Variants in CNTN3 observed in about 807,000 individuals in gnomAD.
CNTN3 encodes contactin 3, also known as contactin-3.
In CNTN3, 60 loss-of-function variants were observed where a neutral mutation model predicts 119.1. That is an observed-to-expected ratio of 0.50 (90% CI 0.41 to 0.62). The LOEUF (loss-of-function observed/expected upper bound fraction) is 0.62. Ranked by LOEUF, CNTN3 falls within the 20% of genes least tolerant of loss-of-function variation. CNTN3 has a pLI of 0.00. For synonymous variants in CNTN3, 450 were observed against 438.7 expected, an observed-to-expected ratio of 1.03 and a Z score of -0.32; for missense variants, 1,101 against 1,242.4, an observed-to-expected ratio of 0.89 and a Z score of 1.71.
rs564046039 is a variant in CNTN3 at position 74,606,926 on chromosome 3, A to G, written c.-81+7465T>C. On this transcript the variant is annotated intron_variant, in intron 1 of 22. Transcript: ENST00000263665. ...CAACAGCGCAATACATTACTACTAA[A>G]TAGAAACATGTATATCTCCATATTA... Among the ~76,000 whole-genome samples the G allele has an allele frequency of 3.7e-4, 57 of 152,308 alleles. No homozygotes were observed. In the Middle Eastern group the frequency reaches 0.01, roughly 27 times the overall value.
chr3:74,442,756 C>G (rs925402838), intron 4 of CNTN3, among the ~76,000 whole-genome samples: 10 of 152,184 alleles, frequency 6.6e-5, no homozygotes, highest in Non-Finnish European at 1.5e-4. Flanking sequence ...GTGCTAAGTA[C>G]TTCTTTAAGT....
At chr3:74,271,896 G>A (rs1427782976) in intron 20 of CNTN3, among the ~76,000 whole-genome samples, 2 of 152,166 alleles carry the variant, frequency 1.3e-5, no homozygotes, top group African/African-American at 4.8e-5. Flanking sequence ...TTGACACAAT[G>A]TTTTAAAACA....
At position 74,301,417 on chromosome 3, in the gene CNTN3, T is replaced by A; in HGVS notation, c.2076A>T (p.Lys692Asn). The A allele has an allele frequency of 1.2e-6, 2 of 1,614,082 alleles. No individual in the cohort carries two copies. Among genetic ancestry groups the A allele is most frequent in the African/African-American group, 2.7e-5 (2 of 75,052 alleles). Residue 692 changes from lysine (K) to asparagine (N), a missense_variant, in exon 16 of 23, where the codon AAA becomes AAT. Physicochemically the swap from Lys to Asn is moderately conservative, Grantham distance 94 (BLOSUM62 0). Coordinates refer to ENST00000263665, the MANE Select transcript of CNTN3 (RefSeq NM_020872.3). ...GGGEPSLPSE[K>N]VRTEEAVPEV... ...ACTAACCTGCCTCTTCAGTTCTTAC[T>A]TTTTCTGAGGGTAAACTTGGTTCTC...
In CNTN3 at chr3:74,295,379, G is replaced by C. The variant is rs528229984; in HGVS notation, c.2402-143C>G. On this transcript the variant is annotated intron_variant, in intron 18 of 22. Coordinates refer to ENST00000263665, the MANE Select transcript of CNTN3 (RefSeq NM_020872.3). ...TCTGGCACCATATGTTGAAAATAGA[G>C]ACACTGGTCCATTTCCGTTTCTTAG... The C allele has an allele frequency of 2.1e-4, 110 of 534,664 alleles. No individual in the cohort carries two copies. The East Asian group carries it at 3.3e-3, about 16-fold the overall frequency. 33.1% of individuals were successfully genotyped at this position (534,664 alleles called of 1,614,324 possible). A position where few individuals can be genotyped will look rare whatever the true frequency, so the allele number is the denominator to read the frequency against.
chr3:74,508,343 C>G (rs539944373), intron 2 of CNTN3, among the ~76,000 whole-genome samples: 3 of 152,086 alleles, frequency 2.0e-5, no homozygotes, highest in Non-Finnish European at 4.4e-5. Context: ...GGCCTCTTCT[C>G]TTTATAAATT....
chr3:74,551,097 C>T (rs1703983490), intron 1 of CNTN3, among the ~76,000 whole-genome samples: 1 of 152,148 alleles, frequency 6.6e-6, no homozygotes. Context: ...TTCATCCTGA[C>T]AGAAATTGAT....
chr3:74,500,617 G>T (rs553471376), intron 2 of CNTN3, among the ~76,000 whole-genome samples: 3 of 150,748 alleles, frequency 2.0e-5, no homozygotes, highest in East Asian at 3.9e-4. Flanking sequence ...AAGAGACAAA[G>T]AATCCGTGAA....
rs1702351697 is a variant in CNTN3 at position 74,297,003 on chromosome 3, T to A, written c.2401+954A>T. ...ATGAGACAAAATGTAGATGTCTCAA[T>A]ATCTGAGACAGGTATAAAAGAAAGG... On this transcript the variant is annotated intron_variant, in intron 18 of 22. Coordinates refer to ENST00000263665, the MANE Select transcript of CNTN3 (RefSeq NM_020872.3). Among the ~76,000 whole-genome samples the A allele has an allele frequency of 2.6e-5, 4 of 152,046 alleles. No homozygotes were observed. In the South Asian group the frequency reaches 8.3e-4, roughly 31 times the overall value.
chr3:74,476,505 C>T (rs1179043988), intron 4 of CNTN3, among the ~76,000 whole-genome samples: 1 of 152,108 alleles, frequency 6.6e-6, no homozygotes, highest in East Asian at 1.9e-4. Context: ...AGAAACTCTG[C>T]TAAAGATCAA....
At chr3:74,511,927 T>G (rs1286768588) in intron 2 of CNTN3, among the ~76,000 whole-genome samples, 1 of 152,096 alleles carries the variant, frequency 6.6e-6, no homozygotes, top group Non-Finnish European at 1.5e-5. Context: ...TCATGTCTAC[T>G]AGGAGGAACA....
At chr3:74,279,447 A>C (rs1471194326) in intron 20 of CNTN3, among the ~76,000 whole-genome samples, 1 of 152,092 alleles carries the variant, frequency 6.6e-6, no homozygotes, top group Non-Finnish European at 1.5e-5. Flanking sequence ...ATATGATGGA[A>C]TATTACCCAG....
rs967154330 is a variant in CNTN3, at chr3:74,554,826, G to A, written c.-80-33634C>T. On this transcript the variant is annotated intron_variant, in intron 1 of 22. Transcript: ENST00000263665. ...GAAGATTTTGGGCTGAGACGATGGG[G>A]TTTTCTAAACATACAATCGTGTCAT... Among the ~76,000 whole-genome samples the A allele has an allele frequency of 3.3e-5, 5 of 152,190 alleles. 1 individual carries two copies. The highest frequency in any genetic ancestry group is 7.3e-5 in the Non-Finnish European group (5 of 68,036).
intron 1 of CNTN3, among the ~76,000 whole-genome samples, chr3:74,561,195 AT>A (rs1237547978): frequency 6.9e-4 from 104 of 151,098 alleles, no homozygotes; most frequent in African/African-American, 2.5e-3. Context: ...ATAAAAAAAA[AT>A]AAAATGAAAT....
At chr3:74,582,812 TG>T (rs1704535895) in intron 1 of CNTN3, among the ~76,000 whole-genome samples, 1 of 151,900 alleles carries the variant, frequency 6.6e-6, no homozygotes, top group Non-Finnish European at 1.5e-5. Flanking sequence ...TGTGTGTGTG[TG>T]TGACCCTACG....
intron 1 of CNTN3, among the ~76,000 whole-genome samples, chr3:74,580,237 A>G (rs1029835383): frequency 2.6e-5 from 4 of 152,248 alleles, no homozygotes; most frequent in African/African-American, 9.6e-5. Context: ...TATTAAAGAA[A>G]TTAAACTTGG....
At chr3:74,435,471 TG>T (rs2106917475) in intron 4 of CNTN3, among the ~76,000 whole-genome samples, 2 of 152,258 alleles carry the variant, frequency 1.3e-5, no homozygotes, top group South Asian at 4.1e-4. Flanking sequence ...GCCACCACAC[TG>T]AGCCTGGAAC....
At chr3:74,380,618 A>G (rs1026941623) in intron 5 of CNTN3, among the ~76,000 whole-genome samples, 1 of 152,220 alleles carries the variant, frequency 6.6e-6, no homozygotes, top group African/African-American at 2.4e-5. Context: ...TGGAAAGCCC[A>G]TCCTTTAATG....
chr3:74,565,896 G>A (rs545905680), intron 1 of CNTN3, among the ~76,000 whole-genome samples: 1 of 152,234 alleles, frequency 6.6e-6, no homozygotes, highest in Admixed American at 6.5e-5. Flanking sequence ...CTGGTAGGAG[G>A]TATTTGAATC....
At chr3:74,459,196 C>T (rs1702321361) in intron 4 of CNTN3, among the ~76,000 whole-genome samples, 1 of 151,902 alleles carries the variant, frequency 6.6e-6, no homozygotes, top group South Asian at 2.1e-4. Context: ...CTCTCTTTTC[C>T]CCATGTTGCC....
Sources: gnomAD v4.1 joint callset for allele counts (sites outside exome capture counted in the v4.1 genomes callset) on GRCh38, gnomAD v4.1.1 for gene constraint, MANE v1.5 for transcripts, NCBI Gene and HGNC (gene_info 2026-07-23, HGNC 2026-07-21) for gene names.